ASTN1: variants seen among roughly 807,000 people sequenced by gnomAD.
ASTN1 encodes the protein astrotactin 1, also known as astrotactin-1.
A neutral mutation model predicts 140.7 loss-of-function variants in ASTN1; 41 were observed. That is an observed-to-expected ratio of 0.29 (90% CI 0.23 to 0.38). ASTN1 has a LOEUF of 0.38. Ranked by LOEUF, ASTN1 falls within the 10% of genes least tolerant of loss-of-function variation. The probability of loss-of-function intolerance (pLI) is 1.00; values close to 1 mark genes in which losing one functional copy is unlikely to be tolerated. For missense variants in ASTN1, 1,479 were observed against 1,678.8 expected, an observed-to-expected ratio of 0.88 and a Z score of 2.08; for synonymous variants, 640 against 652.2, an observed-to-expected ratio of 0.98 and a Z score of 0.29.
intron 2 of ASTN1, among the ~76,000 whole-genome samples, chr1:177,041,462 C>T (rs193090497): frequency 1.1e-3 from 164 of 152,334 alleles, no homozygotes; most frequent in Non-Finnish European, 1.9e-3. Context: ...CTCAGCAACT[C>T]ATGGGCAGAG....
intron 2 of ASTN1, among the ~76,000 whole-genome samples, chr1:177,046,608 C>T (rs940477923): frequency 3.3e-5 from 5 of 152,164 alleles, no homozygotes; most frequent in Non-Finnish European, 7.3e-5. Flanking sequence ...AACTAAAGTT[C>T]CCACTCTGAA....
chr1:177,127,454 C>T lies in ASTN1; in HGVS notation c.283+36940G>A, dbSNP rs554328165. 1.4e-4 allele frequency among the ~76,000 whole-genome samples: 21 copies of T among 152,328 alleles called. No homozygotes were observed. In the South Asian group the frequency reaches 4.4e-3, roughly 32 times the overall value. On this transcript the variant is annotated intron_variant, in intron 1 of 22. Coordinates refer to ENST00000361833, the MANE Select transcript of ASTN1 (RefSeq NM_004319.3). ...AATACTTTCCACTATTCCACCCATGCCCATGCCTTCTCCATAACTGAGCAG... is the reference window on the plus strand; with the variant it reads ...AATACTTTCCACTATTCCACCCATGTCCATGCCTTCTCCATAACTGAGCAG...
intron 1 of ASTN1, among the ~76,000 whole-genome samples, chr1:177,107,546 C>T (rs1186874536): frequency 2.6e-5 from 4 of 152,160 alleles, no homozygotes; most frequent in Non-Finnish European, 5.9e-5. Flanking sequence ...TGCCATTTGG[C>T]TTCTGACTGG....
chr1:177,061,465 C>T (rs1678085428), intron 1 of ASTN1, among the ~76,000 whole-genome samples, 200 bp from the exon 2 acceptor site: 1 of 152,154 alleles, frequency 6.6e-6, no homozygotes, highest in Non-Finnish European at 1.5e-5. Context: ...CAATTATCTC[C>T]CGTAGGTCTT....
At chr1:177,146,763 A>C (rs1249487942) in intron 1 of ASTN1, among the ~76,000 whole-genome samples, 2 of 152,182 alleles carry the variant, frequency 1.3e-5, no homozygotes, top group Admixed American at 1.3e-4. Context: ...CACTTAGTTC[A>C]CTTTCAAAAA....
chr1:176,943,979 T>C lies in ASTN1; in HGVS notation c.2289A>G (p.Pro763=), dbSNP rs970769274. ...NFARGLDQQL[P]DGLVVATVPL... ...GCACAGTGGCCACCACAAGACCATC[T>C]GGCAGTTGCTGGTCTAAACCACGAG... The change falls in exon 14 of 23, where the codon CCA becomes CCG. Residue 763 remains proline (P), a synonymous_variant. Transcript: ENST00000361833. 1.2e-6 allele frequency: 2 copies of C among 1,613,974 alleles called. No individual in the cohort carries two copies. The highest frequency in any genetic ancestry group is 1.7e-6 in the Non-Finnish European group (2 of 1,179,972).
At chr1:176,925,644 G>A (rs888686663) in intron 16 of ASTN1, among the ~76,000 whole-genome samples, 2 of 152,150 alleles carry the variant, frequency 1.3e-5, no homozygotes, top group Admixed American at 1.3e-4. Context: ...ACCCAGGGTT[G>A]ATTTCTGGTC....
At chr1:177,062,387 C>T (rs1365557722) in intron 1 of ASTN1, among the ~76,000 whole-genome samples, 4 of 151,896 alleles carry the variant, frequency 2.6e-5, no homozygotes, top group Non-Finnish European at 5.9e-5. Flanking sequence ...ACCACAGACA[C>T]ACCACACCAT....
intron 8 of ASTN1, among the ~76,000 whole-genome samples, chr1:176,995,332 T>C (rs950734085): frequency 6.6e-6 from 1 of 152,174 alleles, no homozygotes. Context: ...GGCAGAGATA[T>C]GCAAGGATGT....
In ASTN1 at chr1:176,861,432, G is replaced by T. The variant is rs1255192469; in HGVS notation, c.*2852C>A. 1.0e-6 allele frequency: 1 copy of T among 985,738 alleles called. No homozygotes were observed. The highest frequency in any genetic ancestry group is 6.1e-5 in the Admixed American group (1 of 16,266). The allele number at this position is 985,738 out of a possible 1,614,324, so 61.1% of individuals were successfully genotyped here. A position where few individuals can be genotyped will look rare whatever the true frequency, so the allele number is the denominator to read the frequency against. On this transcript the variant is annotated 3_prime_UTR_variant, in exon 23 of 23. Coordinates refer to ENST00000361833, the MANE Select transcript of ASTN1 (RefSeq NM_004319.3). ...GATATAAGCACCTCCCTTAAGACCT[G>T]TTTGGCAGCTTGAAAACTCAAGGTT...
chr1:177,061,354 G>C, intron 1 of ASTN1, 89 bp from the exon 2 acceptor site: 1 of 1,295,672 alleles, frequency 7.7e-7, no homozygotes, highest in Non-Finnish European at 1.0e-6. Context: ...CAATTAGCCA[G>C]TTTCGTCTGA....
chr1:177,030,677 T>C (rs1676384034), intron 4 of ASTN1, 129 bp downstream of exon 4: 2 of 1,299,498 alleles, frequency 1.5e-6, no homozygotes, highest in Admixed American at 5.1e-5. Flanking sequence ...TTAACTGGCC[T>C]CCAGAAAGGC....
Position 177,083,288 on chromosome 1 carries a change from C to T in ASTN1, c.284-22023G>A, listed in dbSNP as rs1018003579. Among the ~76,000 whole-genome samples the T allele has an allele frequency of 3.9e-5, 6 of 152,180 alleles. No individual in the cohort carries two copies. The South Asian group carries it at 6.2e-4, about 16-fold the overall frequency. The stretch of plus-strand genomic sequence containing the variant: ...TGGGCAGAGTATAAAACCCACTGCT[C>T]GTCACACACAAATTCAACACTAGTG... On this transcript the variant is annotated intron_variant, in intron 1 of 22. Transcript: ENST00000361833.
chr1:176,889,505 C>T (rs770350593), intron 17 of ASTN1, among the ~76,000 whole-genome samples: 8 of 152,148 alleles, frequency 5.3e-5, no homozygotes, highest in African/African-American at 7.2e-5. Context: ...AAGAGACAAA[C>T]GGAAAACAGG....
intron 1 of ASTN1, among the ~76,000 whole-genome samples, chr1:177,154,363 A>C (rs1422084601): frequency 6.6e-6 from 1 of 152,196 alleles, no homozygotes; most frequent in African/African-American, 2.4e-5. Context: ...ATTTAAAATT[A>C]AACTCATTAA....
At chr1:177,071,637 G>T (rs1558074303) in intron 1 of ASTN1, among the ~76,000 whole-genome samples, 1 of 152,180 alleles carries the variant, frequency 6.6e-6, no homozygotes, top group East Asian at 1.9e-4. Context: ...AGCCCAAGCT[G>T]GAGGGCCAGT....
At chr1:177,052,943 T>C (rs1677612616) in intron 2 of ASTN1, among the ~76,000 whole-genome samples, 1 of 152,212 alleles carries the variant, frequency 6.6e-6, no homozygotes, top group Non-Finnish European at 1.5e-5. Context: ...CCTATGTGAC[T>C]TTGGGCCTAT....
chr1:177,082,165 C>A (rs934452767), intron 1 of ASTN1, among the ~76,000 whole-genome samples: 1 of 152,124 alleles, frequency 6.6e-6, no homozygotes, highest in Non-Finnish European at 1.5e-5. Context: ...AAATTCTTGT[C>A]TAAAGGCATG....
chr1:177,015,793 AT>A (rs757156414), intron 7 of ASTN1, among the ~76,000 whole-genome samples: 11 of 152,268 alleles, frequency 7.2e-5, no homozygotes, highest in Non-Finnish European at 1.3e-4. Flanking sequence ...TTTACTACCG[AT>A]TTTGAAGAAA....
Sources: allele counts gnomAD v4.1 joint callset (sites outside exome capture counted in the v4.1 genomes callset), GRCh38; gene constraint gnomAD v4.1.1; transcripts MANE v1.5; gene names NCBI Gene and HGNC (gene_info 2026-07-23, HGNC 2026-07-21).